The following ABCA13 variants were observed in gnomAD, a reference collection of about 807,000 sequenced individuals.
ABCA13 encodes ATP-binding cassette sub-family A member 13.
ABCA13 carries 476 observed loss-of-function variants against 478.7 expected under a neutral mutation model. The observed-to-expected ratio is 0.99, with a 90% CI of 0.92 to 1.07. ABCA13 has a LOEUF of 1.07. ABCA13 is among the 50% of genes least tolerant of loss of function. The pLI is 0.00. For missense variants in ABCA13, 6,060 were observed against 5,910.6 expected (o/e 1.03, Z -0.83); for synonymous variants, 2,252 against 2,158.9 (o/e 1.04, Z -1.20).
At chr7:48,207,292 T>C (rs1785049759) in intron 3 of ABCA13, among the ~76,000 whole-genome samples, 1 of 144,790 alleles carries the variant, frequency 6.9e-6, no homozygotes, top group Non-Finnish European at 1.6e-5. Context: ...GTTTTTTTTT[T>C]CCTTTTGGAT....
At chr7:48,230,861 A>C (rs1376103286) in intron 7 of ABCA13, among the ~76,000 whole-genome samples, 1 of 152,168 alleles carries the variant, frequency 6.6e-6, no homozygotes, top group African/African-American at 2.4e-5. Flanking sequence ...TTATTTATTC[A>C]TTCTCTCATT....
intron 52 of ABCA13, 54 bp downstream of exon 52, chr7:48,516,935 G>A: frequency 3.2e-6 from 5 of 1,561,794 alleles, no homozygotes; most frequent in Non-Finnish European, 1.7e-6. Flanking sequence ...GTGCAAAGAC[G>A]GTGTTAACTC....
At chr7:48,506,930 C>T (rs574352281) in intron 49 of ABCA13, among the ~76,000 whole-genome samples, 7 of 152,000 alleles carry the variant, frequency 4.6e-5, no homozygotes, top group Non-Finnish European at 1.0e-4. Context: ...ATTATATGGT[C>T]GACAAACTTT....
intron 26 of ABCA13, among the ~76,000 whole-genome samples, chr7:48,316,690 C>G (rs1802636773): frequency 6.6e-6 from 1 of 152,202 alleles, no homozygotes; most frequent in African/African-American, 2.4e-5. Context: ...ATGGCACCAG[C>G]ATCTGCTTCT....
intron 15 of ABCA13, among the ~76,000 whole-genome samples, chr7:48,264,522 A>C (rs1794623697): frequency 6.6e-6 from 1 of 151,858 alleles, no homozygotes; most frequent in African/African-American, 2.4e-5. Context: ...ATTCGTTTAT[A>C]TGAGTAATAA....
intron 20 of ABCA13, among the ~76,000 whole-genome samples, chr7:48,288,887 C>T (rs1195859277): frequency 6.6e-6 from 1 of 152,120 alleles, no homozygotes; most frequent in Non-Finnish European, 1.5e-5. Flanking sequence ...ACCCCTGGGC[C>T]CCTAGGTAGG....
At chr7:48,602,477 G>A (rs1178094546) in intron 58 of ABCA13, among the ~76,000 whole-genome samples, 1 of 152,130 alleles carries the variant, frequency 6.6e-6, no homozygotes, top group Non-Finnish European at 1.5e-5. Flanking sequence ...TTATTAAATA[G>A]GGAATTCTTT....
At chr7:48,506,477 T>A (rs1360550968) in intron 49 of ABCA13, 87 bp downstream of exon 49, 1 of 1,453,696 alleles carries the variant, frequency 6.9e-7, no homozygotes, top group East Asian at 2.3e-5. Flanking sequence ...GGTCTCTCTT[T>A]TGCATTTGCC....
chr7:48,433,750 A>G (rs1193966270), intron 42 of ABCA13, among the ~76,000 whole-genome samples: 2 of 152,120 alleles, frequency 1.3e-5, no homozygotes, highest in East Asian at 1.9e-4. Flanking sequence ...TAACTACCTC[A>G]TATAAATGGT....
chr7:48,241,832 C>A (rs1028708240), intron 10 of ABCA13, among the ~76,000 whole-genome samples: 6 of 152,212 alleles, frequency 3.9e-5, no homozygotes, highest in African/African-American at 1.4e-4. Context: ...CTAAACACTT[C>A]CAGTTCTTTC....
In ABCA13 at chr7:48,644,608, T is replaced by G. The variant is rs2131705381; in HGVS notation, c.14944-9T>G. 7.1e-7 allele frequency: 1 copy of G among 1,406,086 alleles called. No individual in the cohort carries two copies. Among genetic ancestry groups the G allele is most frequent in the Non-Finnish European group, 9.5e-7 (1 of 1,049,340 alleles). The allele number at this position is 1,406,086 out of a possible 1,614,324, so 87.1% of individuals were successfully genotyped here. On this transcript the variant is annotated splice_polypyrimidine_tract_variant and intron_variant, in intron 60 of 61. Coordinates refer to ENST00000435803, the MANE Select transcript of ABCA13 (RefSeq NM_152701.5). ...ATGATACTTTTTTTTTTTTTTTTTTTGCTTTTAGGGACAGCACCTGAATTT... is the reference window on the plus strand; with the variant it reads ...ATGATACTTTTTTTTTTTTTTTTTTGGCTTTTAGGGACAGCACCTGAATTT...
chr7:48,350,559 C>A, intron 29 of ABCA13, 84 bp from the exon 30 acceptor site: 2 of 1,358,742 alleles, frequency 1.5e-6, no homozygotes, highest in South Asian at 1.9e-5. Context: ...TTTTCAAATC[C>A]ATTTGCACAA....
Position 48,646,392 on chromosome 7 carries a change from C to T in ABCA13, c.*880C>T, listed in dbSNP as rs1158311657. On this transcript the variant is annotated 3_prime_UTR_variant, in exon 62 of 62. Coordinates refer to ENST00000435803, the MANE Select transcript of ABCA13 (RefSeq NM_152701.5). The stretch of plus-strand genomic sequence containing the variant: ...GTACATTCTCAGGATCCACTCCAGA[C>T]CTATTGAATCTCAAATTCTGGGGCT... The T allele has an allele frequency of 2.0e-5, 3 of 152,160 alleles. No homozygotes were observed. Among genetic ancestry groups the T allele is most frequent in the Non-Finnish European group, 4.4e-5 (3 of 68,054 alleles). 9.4% of individuals were successfully genotyped at this position (152,160 alleles called of 1,614,324 possible).
intron 47 of ABCA13, among the ~76,000 whole-genome samples, chr7:48,484,069 T>C (rs1010561214): frequency 2.6e-5 from 4 of 152,170 alleles, no homozygotes; most frequent in Admixed American, 2.6e-4. Flanking sequence ...TCTTCTGTAG[T>C]GGGGACTTGC....
chr7:48,388,057 T>A, intron 36 of ABCA13, 98 bp downstream of exon 36: 1 of 1,312,986 alleles, frequency 7.6e-7, no homozygotes, highest in Admixed American at 2.3e-5. Context: ...TTCAAGTGTG[T>A]GCTGATTCCT....
At chr7:48,531,697 A>C (rs893023851) in intron 55 of ABCA13, among the ~76,000 whole-genome samples, 1 of 144,998 alleles carries the variant, frequency 6.9e-6, no homozygotes, top group African/African-American at 2.5e-5. Context: ...TTCCTTGTAG[A>C]GGTCTTTCAC....
intron 55 of ABCA13, among the ~76,000 whole-genome samples, chr7:48,548,546 AC>A (rs1313208910): frequency 1.4e-5 from 2 of 148,016 alleles, no homozygotes; most frequent in African/African-American, 2.5e-5. Context: ...AGCATGTAAC[AC>A]ATTTTTTTTT....
rs199925305 is a variant in ABCA13, at chr7:48,354,894, GT to G, written c.10688+2409del. On this transcript the variant is annotated intron_variant, in intron 31 of 61. Coordinates refer to ENST00000435803, the MANE Select transcript of ABCA13 (RefSeq NM_152701.5). ...ACAGTTTGTACTGTAGACAATGTTT[GT>G]TAAAATTTTTTTAGCAGTTTCCTCC... 7.0e-3 allele frequency among the ~76,000 whole-genome samples: 1,065 copies of G among 152,060 alleles called. 9 individuals carry two copies. Among genetic ancestry groups the G allele is most frequent in the Admixed American group, 0.012 (179 of 15,294 alleles).
chr7:48,412,295 A>G, intron 40 of ABCA13, 58 bp from the exon 41 acceptor site: 1 of 1,297,982 alleles, frequency 7.7e-7, no homozygotes, highest in South Asian at 1.4e-5. Flanking sequence ...AAATCAATTG[A>G]TGTATATATG....
Sources: allele counts gnomAD v4.1 joint callset (sites outside exome capture counted in the v4.1 genomes callset), GRCh38; gene constraint gnomAD v4.1.1; transcripts MANE v1.5; gene names NCBI Gene and HGNC (gene_info 2026-07-23, HGNC 2026-07-21).